Variants in TTC34 observed in about 807,000 individuals in gnomAD.
The protein encoded by TTC34 is tetratricopeptide repeat domain 34, also known as tetratricopeptide repeat protein 34.
A neutral mutation model predicts 40.7 loss-of-function variants in TTC34; 44 were observed. The observed-to-expected ratio is 1.08, with a 90% CI of 0.85 to 1.39. The LOEUF is 1.39. Ranked by LOEUF, TTC34 falls within the 40% of genes most tolerant of loss-of-function variation. The probability of loss-of-function intolerance (pLI) is 0.00; values close to 1 mark genes in which losing one functional copy is unlikely to be tolerated. For synonymous variants in TTC34, 422 were observed against 398.6 expected (o/e 1.06, Z -0.70); for missense variants, 884 against 838.0 (o/e 1.05, Z -0.68).
At chr1:2,769,581 A>C (rs891573666) in intron 6 of TTC34, among the ~76,000 whole-genome samples, 1 of 98,590 alleles carries the variant, frequency 1.0e-5, no homozygotes, top group African/African-American at 4.5e-5. Context: ...CTGGAACAGC[A>C]CCCCACACCT....
Position 2,645,644 on chromosome 1 carries a change from T to G in TTC34, c.2227-81A>C. 7.5e-7 allele frequency: 1 copy of G among 1,340,330 alleles called. No individual in the cohort carries two copies. The highest frequency in any genetic ancestry group is 9.7e-7 in the Non-Finnish European group (1 of 1,027,452). 83.0% of individuals were successfully genotyped at this position (1,340,330 alleles called of 1,614,324 possible). On this transcript the variant is annotated intron_variant, in intron 6 of 8. Coordinates refer to ENST00000401095, the Ensembl canonical transcript of TTC34. The surrounding 1 kb of genome is among the most constrained non-coding windows in gnomAD (Gnocchi z 4.7). ...AGAGGGTCAGAGTAGGAGGACTGGC[T>G]CTGTCTTTCTCATTCCCTGATCTTC... is the stretch of plus-strand genomic sequence containing the variant.
chr1:2,752,503 C>T (rs1323745348), intron 6 of TTC34, among the ~76,000 whole-genome samples: 127 of 15,236 alleles, frequency 8.3e-3, no homozygotes, highest in East Asian at 0.041. Context: ...GCCAGGTGAG[C>T]ATCTGACAGC....
At position 2,644,260 on chromosome 1, in the gene TTC34, G is replaced by T. The variant is rs903431727; in HGVS notation, c.2712+4C>A. 6 of 1,531,134 alleles carry T rather than the reference G, an allele frequency of 3.9e-6. No homozygotes were observed. The Admixed American group carries it at 1.2e-4, about 30-fold the overall frequency. 94.8% of individuals were successfully genotyped at this position (1,531,134 alleles called of 1,614,324 possible). On this transcript the variant is annotated splice_donor_region_variant and intron_variant, in intron 8 of 8. Coordinates refer to ENST00000401095, the Ensembl canonical transcript of TTC34. Reference sequence around the variant, plus strand: ...GTGGGAGATCTGTGGGGTTCTTTGGGCACCTGGGCAAGGCTCTGCCGCTCC... The same window carrying T: ...GTGGGAGATCTGTGGGGTTCTTTGGTCACCTGGGCAAGGCTCTGCCGCTCC...
At chr1:2,687,669 C>T (rs1222856685) in intron 6 of TTC34, among the ~76,000 whole-genome samples, 3 of 151,868 alleles carry the variant, frequency 2.0e-5, no homozygotes, top group Non-Finnish European at 4.4e-5. Flanking sequence ...ATCTGACAGG[C>T]TGGAGCAGCA....
At chr1:2,789,889 GCGGTCCCCTGCA>G (rs1203051294) in exon 3 of TTC34, 1 of 414,020 alleles carries the variant, frequency 2.4e-6, no homozygotes, top group African/African-American at 2.1e-5. Context: ...GGAGAGGTGC[GCGGTCCCCTGCA>G]CGGTCCCCCG....
chr1:2,793,183 A>AT (rs1643681338), intron 2 of TTC34, among the ~76,000 whole-genome samples: 1 of 151,934 alleles, frequency 6.6e-6, no homozygotes, highest in Non-Finnish European at 1.5e-5. Flanking sequence ...TTACTTATTA[A>AT]TTTTTTTCCC....
chr1:2,752,993 C>T (rs1641375212), intron 6 of TTC34, among the ~76,000 whole-genome samples: 3 of 145,602 alleles, frequency 2.1e-5, no homozygotes, highest in South Asian at 2.2e-4. Flanking sequence ...GAGCATCTGA[C>T]CGCATGGAAT....
chr1:2,687,487 C>G, intron 6 of TTC34, among the ~76,000 whole-genome samples: 1 of 148,404 alleles, frequency 6.7e-6, no homozygotes, highest in South Asian at 2.1e-4. Context: ...CACCCACACA[C>G]TCAGGCGAGC....
chr1:2,651,916 AC>A (rs1639146393), intron 6 of TTC34, among the ~76,000 whole-genome samples: 1 of 151,476 alleles, frequency 6.6e-6, no homozygotes, highest in South Asian at 2.1e-4. Flanking sequence ...CTAAGTTGGC[AC>A]CCTGCACTCA....
At chr1:2,797,736 AAGGGACCGGGC>A (rs1272110603) in intron 2 of TTC34, among the ~76,000 whole-genome samples, 4 of 152,000 alleles carry the variant, frequency 2.6e-5, no homozygotes, top group African/African-American at 9.7e-5. Context: ...AGAGGCAGTG[AAGGGACCGGGC>A]AGGAGCAGTG....
At chr1:2,651,046 C>T (rs188284520) in intron 6 of TTC34, among the ~76,000 whole-genome samples, 133 of 148,596 alleles carry the variant, frequency 9.0e-4, no homozygotes, top group African/African-American at 3.3e-3. Flanking sequence ...GGGCATCTGA[C>T]AGCCTAGAAC....
chr1:2,652,159 C>A (rs574453493), intron 6 of TTC34, among the ~76,000 whole-genome samples: 12 of 133,578 alleles, frequency 9.0e-5, no homozygotes, highest in Non-Finnish European at 1.4e-4. Flanking sequence ...GGAACACAAC[C>A]CACACCCCCA....
intron 6 of TTC34, among the ~76,000 whole-genome samples, chr1:2,699,441 C>T (rs138152630): frequency 1.6e-3 from 152 of 93,368 alleles, no homozygotes; most frequent in Non-Finnish European, 2.7e-3. Flanking sequence ...CAGCCTGGAA[C>T]ATCACCCCGC....
intron 6 of TTC34, among the ~76,000 whole-genome samples, chr1:2,658,363 AACCTG>A (rs1639425762): frequency 9.8e-6 from 1 of 102,400 alleles, no homozygotes; most frequent in Non-Finnish European, 2.5e-5. Flanking sequence ...AGCATCTGAC[AACCTG>A]GAGCAGCACC....
At chr1:2,769,334 A>G (rs773610259) in intron 6 of TTC34, among the ~76,000 whole-genome samples, 10 of 16,366 alleles carry the variant, frequency 6.1e-4, no homozygotes, top group Non-Finnish European at 5.9e-4. Context: ...ATCCTGGAAC[A>G]GCACCCCACG....
chr1:2,699,575 C>A (rs1641034211), intron 6 of TTC34, among the ~76,000 whole-genome samples: 1 of 145,496 alleles, frequency 6.9e-6, no homozygotes, highest in Non-Finnish European at 1.5e-5. Context: ...CACCCACACC[C>A]CCAGGTGAGC....
chr1:2,749,479 C>G (rs1381899375), intron 6 of TTC34, among the ~76,000 whole-genome samples: 109 of 86,750 alleles, frequency 1.3e-3, no homozygotes, highest in Middle Eastern at 5.5e-3. Flanking sequence ...GAACAGCACC[C>G]ACATCCCCAG....
At chr1:2,699,015 A>G (rs1214211444) in intron 6 of TTC34, among the ~76,000 whole-genome samples, 2 of 136,330 alleles carry the variant, frequency 1.5e-5, no homozygotes, top group Non-Finnish European at 3.3e-5. Context: ...CCACACCACC[A>G]GGTGAGCATC....
chr1:2,769,824 C>T (rs1230931078), intron 6 of TTC34, among the ~76,000 whole-genome samples: 2 of 64,368 alleles, frequency 3.1e-5, no homozygotes, highest in Non-Finnish European at 3.2e-5. Flanking sequence ...CTGGAGCAGG[C>T]GCCCACAATC....
Sources: allele counts gnomAD v4.1 joint callset (sites outside exome capture counted in the v4.1 genomes callset), GRCh38; gene constraint gnomAD v4.1.1; non-coding constraint Gnocchi (gnomAD v3.1); transcripts MANE v1.5; gene names NCBI Gene and HGNC (gene_info 2026-07-23, HGNC 2026-07-21).